The following CHLSN variants were observed in gnomAD, a reference collection of about 807,000 sequenced individuals.
The protein encoded by CHLSN is protein cholesin.
chr7:1,108,462 C>CT, the CHLSN span, among the ~76,000 whole-genome samples: 1 of 152,192 alleles, frequency 6.6e-6, no homozygotes, highest in Non-Finnish European at 1.5e-5. Flanking sequence ...CACCTATCTG[C>CT]TGCGGACTCC....
the CHLSN span, chr7:1,092,339 C>A: frequency 1.9e-6 from 3 of 1,611,534 alleles, no homozygotes; most frequent in Non-Finnish European, 2.5e-6. Flanking sequence ...ACCGACGAGG[C>A]CTGCTTCTGT....
the CHLSN span, among the ~76,000 whole-genome samples, chr7:1,083,351 G>C: frequency 6.6e-6 from 1 of 152,178 alleles, no homozygotes; most frequent in Non-Finnish European, 1.5e-5. Flanking sequence ...TGGGCCGGGC[G>C]CGGTGGCTCA....
chr7:1,000,728 C>T, the CHLSN span, among the ~76,000 whole-genome samples: 8 of 152,164 alleles, frequency 5.3e-5, no homozygotes, highest in Non-Finnish European at 1.0e-4. Context: ...GGCGAGGAGC[C>T]GCAACCCCAC....
At chr7:1,033,410 T>C in the CHLSN span, among the ~76,000 whole-genome samples, 1 of 151,902 alleles carries the variant, frequency 6.6e-6, no homozygotes, top group Non-Finnish European at 1.5e-5. Context: ...ACACAAAAAT[T>C]AGCCGGGTGT....
chr7:1,032,512 C>T, the CHLSN span, among the ~76,000 whole-genome samples: 1 of 151,892 alleles, frequency 6.6e-6, no homozygotes, highest in African/African-American at 2.4e-5. Context: ...AGCCACCCGC[C>T]CACACCGCCA....
the CHLSN span, among the ~76,000 whole-genome samples, chr7:1,053,289 C>G: frequency 0.22 from 32,899 of 152,320 alleles, 11,820 homozygotes; most frequent in African/African-American, 0.74. Context: ...CCCCCTCACT[C>G]GGACGCAGGT....
chr7:988,795 G>C, the CHLSN span: 6 of 1,591,640 alleles, frequency 3.8e-6, no homozygotes, highest in East Asian at 1.3e-4. Context: ...CGAGGGCCCA[G>C]GCCCTGTGTG....
At chr7:1,092,832 T>C in the CHLSN span, 3 of 1,613,052 alleles carry the variant, frequency 1.9e-6, no homozygotes, top group East Asian at 2.2e-5. Context: ...AGCAGTCGGA[T>C]GTGAGGTTCA....
the CHLSN span, among the ~76,000 whole-genome samples, chr7:1,076,726 G>C: frequency 1.3e-5 from 2 of 152,220 alleles, no homozygotes; most frequent in Non-Finnish European, 2.9e-5. Flanking sequence ...TTCAGGGACC[G>C]GTGGCCTTGG....
the CHLSN span, chr7:986,572 G>T: frequency 2.5e-6 from 4 of 1,593,540 alleles, no homozygotes; most frequent in East Asian, 2.2e-5. Context: ...CCTGCCCAGC[G>T]TGCAGCCCTG....
chr7:984,818 C>T, the CHLSN span: 22 of 1,299,082 alleles, frequency 1.7e-5, no homozygotes, highest in Admixed American at 2.4e-5. Context: ...CCCAGGGGGA[C>T]GGGAGTGGGG....
chr7:1,052,719 C>G, the CHLSN span, among the ~76,000 whole-genome samples: 1 of 152,076 alleles, frequency 6.6e-6, no homozygotes, highest in African/African-American at 2.4e-5. The surrounding 1 kb of genome is among the most constrained non-coding windows in gnomAD (Gnocchi z 4.2). Context: ...CTGAATATCA[C>G]CCCCGCCACC....
At chr7:1,058,044 G>C in the CHLSN span, 1 of 768,832 alleles carries the variant, frequency 1.3e-6, no homozygotes, top group Non-Finnish European at 2.4e-6. Context: ...CCGCGCGCTA[G>C]AGTGCGCCAA....
At chr7:1,106,532 G>A in the CHLSN span, among the ~76,000 whole-genome samples, 1 of 152,190 alleles carries the variant, frequency 6.6e-6, no homozygotes, top group Non-Finnish European at 1.5e-5. Flanking sequence ...AGAGTCTGCT[G>A]GCAGCATAGA....
At chr7:994,876 G>C in the CHLSN span, among the ~76,000 whole-genome samples, 1 of 152,252 alleles carries the variant, frequency 6.6e-6, no homozygotes. Context: ...CACATGTAAA[G>C]AGAAAAGCAC....
At chr7:984,548 T>C in the CHLSN span, 1 of 1,560,384 alleles carries the variant, frequency 6.4e-7, no homozygotes, top group Non-Finnish European at 8.7e-7. Context: ...CCCATCGCCA[T>C]CTTCCAGCTC....
the CHLSN span, among the ~76,000 whole-genome samples, chr7:1,079,307 C>T: frequency 1.3e-5 from 2 of 152,236 alleles, no homozygotes; most frequent in Non-Finnish European, 2.9e-5. Context: ...CCCGGCTGCT[C>T]GTCTGCTGTC....
At chr7:1,012,415 G>A in the CHLSN span, among the ~76,000 whole-genome samples, 2 of 152,214 alleles carry the variant, frequency 1.3e-5, no homozygotes, top group African/African-American at 2.4e-5. Context: ...GGGCCAAGCC[G>A]GGGACCCGCA....
the CHLSN span, among the ~76,000 whole-genome samples, chr7:1,075,119 AC>A: frequency 6.6e-6 from 1 of 152,022 alleles, no homozygotes; most frequent in Non-Finnish European, 1.5e-5. Context: ...ATCCAACACA[AC>A]CCGTCCTCTG....
Sources: gnomAD v4.1 joint callset for allele counts (sites outside exome capture counted in the v4.1 genomes callset) on GRCh38, gnomAD v4.1.1 for gene constraint, Gnocchi (gnomAD v3.1) non-coding constraint, MANE v1.5 for transcripts, NCBI Gene and HGNC (gene_info 2026-07-23, HGNC 2026-07-21) for gene names.